Variants in MAN2C1 observed in about 807,000 individuals in gnomAD.
MAN2C1 encodes the protein alpha-mannosidase 2C1.
A neutral mutation model predicts 126.9 loss-of-function variants in MAN2C1; 111 were observed. The observed-to-expected ratio is 0.87, with a 90% CI of 0.75 to 1.02. The LOEUF (loss-of-function observed/expected upper bound fraction) is 1.02, where lower values mean the gene tolerates loss of function less well. Among genes scored for constraint, MAN2C1 ranks in the 50% least tolerant of loss-of-function variants. MAN2C1 has a pLI of 0.00. For missense variants in MAN2C1, 1,363 were observed against 1,364.4 expected, an observed-to-expected ratio of 1.00 and a Z score of 0.02; for synonymous variants, 567 against 561.5, an observed-to-expected ratio of 1.01 and a Z score of -0.14.
In MAN2C1 at chr15:75,364,632, C is replaced by A; in HGVS notation, c.456G>T (p.Gly152=). The change falls in exon 5 of 26, where the codon GGG becomes GGT. Residue 152 remains glycine (G), a synonymous_variant. Transcript: ENST00000267978. ...TGCTTCCCTTCCCGGCCCCCAGGAG[C>A]CCATTGCAGGCTACTTCCACATAGA... ...LTLYVEVACN[G]LLGAGKGSMI... is the part of the protein sequence containing the mutation. The A allele has an allele frequency of 1.2e-6, 2 of 1,613,184 alleles. No homozygotes were observed. The highest frequency in any genetic ancestry group is 1.7e-6 in the Non-Finnish European group (2 of 1,179,556).
rs768248874 is a variant in MAN2C1 at position 75,356,033 on chromosome 15, C to G, written c.2997-1G>C. On this transcript the variant is annotated splice_acceptor_variant, in intron 25 of 25. Coordinates refer to ENST00000267978, the MANE Select transcript of MAN2C1 (RefSeq NM_006715.4). LOFTEE classifies it high-confidence loss of function. The surrounding 1 kb of genome is among the most constrained non-coding windows in gnomAD (Gnocchi z 5.8). ...GTCTGGTCGCTCCAAGAGATCGCAG[C>G]TGGAGAACAGGAGGGGCCATGAAGG... The G allele has an allele frequency of 5.0e-6, 8 of 1,613,822 alleles. No individual in the cohort carries two copies. The highest frequency in any genetic ancestry group is 6.8e-6 in the Non-Finnish European group (8 of 1,179,928).
chr15:75,358,097 A>C, intron 21 of MAN2C1, 104 bp downstream of exon 21: 1 of 1,384,438 alleles, frequency 7.2e-7, no homozygotes, highest in Non-Finnish European at 1.0e-6. Flanking sequence ...CACGTTAGGA[A>C]GCAGCAAATG....
At position 75,360,580 on chromosome 15, in the gene MAN2C1, G is replaced by T; in HGVS notation, c.1569C>A (p.Tyr523Ter). The change falls in exon 13 of 26, where the codon TAC (tyrosine) becomes TAA (stop). Residue 523 changes from tyrosine (Y) to a stop codon, truncating the protein, a stop_gained. Transcript: ENST00000267978. LOFTEE classifies it high-confidence loss of function. ...TCCCCCTGACCTGGGCATGGGTGGT[G>T]TATGTGCCATTGTGCAGCTCCAAGA... The part of the protein sequence containing the change: ...ELFLELHNGT[Y>*]TTHAQIKKGN... The T allele has an allele frequency of 6.2e-7, 1 of 1,613,834 alleles. No homozygotes were observed.
Position 75,361,398 on chromosome 15 carries a change from A to G in MAN2C1, c.1219-17T>C. 1 of 1,550,366 alleles carries G rather than the reference A, an allele frequency of 6.5e-7. No homozygotes were observed. The highest frequency in any genetic ancestry group is 1.2e-5 in the South Asian group (1 of 85,758). Reference sequence around the variant, plus strand: ...TGTATGGTGCTACCAGCAGGGAAACAGAAGCAGGGCAGAGAGGCCAGAGTC... The same window carrying G: ...TGTATGGTGCTACCAGCAGGGAAACGGAAGCAGGGCAGAGAGGCCAGAGTC... On this transcript the variant is annotated splice_polypyrimidine_tract_variant and intron_variant, in intron 10 of 25. Transcript: ENST00000267978. This position sits in a 1 kb window ranked among gnomAD's most constrained non-coding sequence, Gnocchi z 5.0.
intron 16 of MAN2C1, 97 bp downstream of exon 16, chr15:75,359,523 A>C: frequency 6.4e-7 from 1 of 1,565,850 alleles, no homozygotes; most frequent in Non-Finnish European, 8.7e-7. Flanking sequence ...ACTACTCTCC[A>C]GTCAGGGGCA....
At position 75,366,521 on chromosome 15, in the gene MAN2C1, C is replaced by T. The variant is rs138736683; in HGVS notation, c.422+1G>A. 508 of 1,613,240 alleles carry T rather than the reference C, an allele frequency of 3.1e-4. 1 individual carries two copies. The highest frequency in any genetic ancestry group is 4.0e-4 in the Non-Finnish European group (469 of 1,179,692). ...TGGTCAACCAGGGCACAGGGACTCACCTTCGGGGGTCTCTTTCCCCCAGCC... is the reference window on the plus strand; with the variant it reads ...TGGTCAACCAGGGCACAGGGACTCATCTTCGGGGGTCTCTTTCCCCCAGCC... On this transcript the variant is annotated splice_donor_variant, in intron 4 of 25. Coordinates refer to ENST00000267978, the MANE Select transcript of MAN2C1 (RefSeq NM_006715.4). LOFTEE classifies it high-confidence loss of function.
chr15:75,362,448 C>A lies in MAN2C1; in HGVS notation c.903G>T (p.Gln301His), dbSNP rs1431191456. 6.2e-7 allele frequency: 1 copy of A among 1,609,724 alleles called. No individual in the cohort carries two copies. The highest frequency in any genetic ancestry group is 1.7e-5 in the Admixed American group (1 of 59,452). Residue 301 changes from glutamine to histidine, a missense_variant, in exon 8 of 26, where the codon CAG (glutamine) becomes CAT (histidine). By Grantham distance (24) the Gln-to-His change is conservative (BLOSUM62 0). Around this residue, in one of 3 missense-constraint regions of MAN2C1, gnomAD observed 628 missense variants for 609.8 expected, o/e 1.03. Coordinates refer to ENST00000267978, the MANE Select transcript of MAN2C1 (RefSeq NM_006715.4). The surrounding 1 kb of genome is among the most constrained non-coding windows in gnomAD (Gnocchi z 4.5). ...AGCGGCTCTTCACCCATTCCAGCTG[C>A]TGCGCCTGTGGGCAGGTTGAAGGGA... ...PEFIFACSQA[Q>H]QLEWVKSRYP... is the part of the protein sequence containing the mutation.
In MAN2C1 at chr15:75,361,472, G is replaced by A; in HGVS notation, c.1219-91C>T. On this transcript the variant is annotated intron_variant, in intron 10 of 25. Transcript: ENST00000267978. This position sits in a 1 kb window ranked among gnomAD's most constrained non-coding sequence, Gnocchi z 5.0. ...TCCAGACTTGGTCCTGCCCCTGCCT[G>A]CTATGTGACCCTGGCAGAGGCAGAG... 7.8e-7 allele frequency: 1 copy of A among 1,279,074 alleles called. No individual in the cohort carries two copies. The highest frequency in any genetic ancestry group is 1.1e-6 in the Non-Finnish European group (1 of 879,386). The allele number at this position is 1,279,074 out of a possible 1,614,324, so 79.2% of individuals were successfully genotyped here. A position where few individuals can be genotyped will look rare whatever the true frequency, so the allele number is the denominator to read the frequency against.
Position 75,356,734 on chromosome 15 carries a change from T to G in MAN2C1, c.2658-49A>C. The G allele has an allele frequency of 3.7e-6, 6 of 1,612,560 alleles. No homozygotes were observed. The highest frequency in any genetic ancestry group is 5.1e-6 in the Non-Finnish European group (6 of 1,179,056). On this transcript the variant is annotated intron_variant, in intron 22 of 25. Coordinates refer to ENST00000267978, the MANE Select transcript of MAN2C1 (RefSeq NM_006715.4). This position sits in a 1 kb window ranked among gnomAD's most constrained non-coding sequence, Gnocchi z 5.8. Reference sequence around the variant, plus strand: ...GGCCACGCTGAAGCTGTTGGAGTTGTGGTCGGGAAGACCCATTTCTCCATG... The same window carrying G: ...GGCCACGCTGAAGCTGTTGGAGTTGGGGTCGGGAAGACCCATTTCTCCATG...
chr15:75,366,081 C>A, intron 4 of MAN2C1: 3 of 312,686 alleles, frequency 9.6e-6, no homozygotes, highest in East Asian at 1.1e-4. Context: ...AGGGAGACTT[C>A]GTCTCAAAAA....
Position 75,359,618 on chromosome 15 carries a change from A to T in MAN2C1, c.1948+2T>A. The T allele has an allele frequency of 6.2e-7, 1 of 1,613,826 alleles. No individual in the cohort carries two copies. Among genetic ancestry groups the T allele is most frequent in the Non-Finnish European group, 8.5e-7 (1 of 1,179,926 alleles). On this transcript the variant is annotated splice_donor_variant, in intron 16 of 25. Transcript: ENST00000267978. LOFTEE classifies it high-confidence loss of function. ...GTAGCAACCCTTCCCCTCAGCTCGT[A>T]CCTAGGCTGTGGGCCCCGCCCGGTT...
chr15:75,360,701 C>G lies in MAN2C1; in HGVS notation c.1461-13G>C. ...AGATAGCTGCACCCTGAGGAGACCA[C>G]AAGCCTAGGTCTCCCAGCCTTGGAG... is the stretch of plus-strand genomic sequence containing the variant. On this transcript the variant is annotated splice_polypyrimidine_tract_variant and intron_variant, in intron 12 of 25. Coordinates refer to ENST00000267978, the MANE Select transcript of MAN2C1 (RefSeq NM_006715.4). The G allele has an allele frequency of 6.2e-7, 1 of 1,612,568 alleles. No homozygotes were observed. The highest frequency in any genetic ancestry group is 8.5e-7 in the Non-Finnish European group (1 of 1,179,624).
chr15:75,361,225 C>A lies in MAN2C1; in HGVS notation c.1315-34G>T. The A allele has an allele frequency of 6.2e-7, 1 of 1,604,238 alleles. No homozygotes were observed. The highest frequency in any genetic ancestry group is 8.5e-7 in the Non-Finnish European group (1 of 1,176,188). The stretch of plus-strand genomic sequence containing the variant: ...GTGAGGGCAGGCCAGCATGGATCAG[C>A]CTGGAACAAGCCAGCCCTCTCCAGC... On this transcript the variant is annotated intron_variant, in intron 11 of 25. Transcript: ENST00000267978. The surrounding 1 kb of genome is among the most constrained non-coding windows in gnomAD (Gnocchi z 5.0).
At chr15:75,367,722 C>A in intron 2 of MAN2C1, 88 bp from the exon 3 acceptor site, 2 of 1,528,114 alleles carry the variant, frequency 1.3e-6, no homozygotes, top group Non-Finnish European at 1.8e-6. Context: ...GGGCTTGAAA[C>A]TCTCCAAGCA....
At position 75,359,316 on chromosome 15, in the gene MAN2C1, T is replaced by A. The variant is rs202069986; in HGVS notation, c.2046+12A>T. On this transcript the variant is annotated intron_variant, in intron 17 of 25. Transcript: ENST00000267978. Reference sequence around the variant, plus strand: ...AGCACAGTTCCTGCCCCCCAGGGCATGCAGGACTCACCTCTTGCACTACGA... The same window carrying A: ...AGCACAGTTCCTGCCCCCCAGGGCAAGCAGGACTCACCTCTTGCACTACGA... 30 of 1,582,034 alleles carry A rather than the reference T, an allele frequency of 1.9e-5. No homozygotes were observed. The highest frequency in any genetic ancestry group is 3.4e-6 in the Non-Finnish European group (4 of 1,162,210).
chr15:75,366,777 G>A (rs1285444688), intron 3 of MAN2C1, among the ~76,000 whole-genome samples, 185 bp from the exon 4 acceptor site: 1 of 152,242 alleles, frequency 6.6e-6, no homozygotes, highest in Non-Finnish European at 1.5e-5. Context: ...ATGGCAGCCA[G>A]CACCATGACC....
intron 4 of MAN2C1, among the ~76,000 whole-genome samples, chr15:75,365,351 T>C (rs1194433832): frequency 6.6e-6 from 1 of 152,176 alleles, no homozygotes; most frequent in African/African-American, 2.4e-5. Context: ...GTCTAAGAAG[T>C]GTTTTTAATG....
At position 75,356,286 on chromosome 15, in the gene MAN2C1, C is replaced by G. The variant is rs531295861; in HGVS notation, c.2886+15G>C. On this transcript the variant is annotated intron_variant, in intron 24 of 25. Transcript: ENST00000267978. The surrounding 1 kb of genome is among the most constrained non-coding windows in gnomAD (Gnocchi z 5.8). ...CCAGTTCGGAACCCCGTCCCCAGCA[C>G]GTCCCACCCCTTGCCTGCTTGACGG... 4 of 1,611,768 alleles carry G rather than the reference C, an allele frequency of 2.5e-6. No homozygotes were observed. Among genetic ancestry groups the G allele is most frequent in the Non-Finnish European group, 3.4e-6 (4 of 1,179,204 alleles).
Position 75,361,361 on chromosome 15 carries a change from C to T in MAN2C1, c.1239G>A (p.Glu413=), listed in dbSNP as rs1164257469. 1.3e-6 allele frequency: 2 copies of T among 1,564,674 alleles called. No homozygotes were observed. Among genetic ancestry groups the T allele is most frequent in the Non-Finnish European group, 1.7e-6 (2 of 1,153,890 alleles). The stretch of plus-strand genomic sequence containing the variant: ...CCAGTACACGGGAGCCATCCAGGCC[C>T]TCCCAGAAAAATGTATGGTGCTACC... The part of the protein sequence containing the change: ...NSFPHHTFFW[E]GLDGSRVLVH... Residue 413 remains glutamate (E), a synonymous_variant, in exon 11 of 26, where the codon GAG becomes GAA. Transcript: ENST00000267978. The surrounding 1 kb of genome is among the most constrained non-coding windows in gnomAD (Gnocchi z 5.0).
Sources: gnomAD v4.1 joint callset for allele counts (sites outside exome capture counted in the v4.1 genomes callset) on GRCh38, gnomAD v4.1.1 for gene constraint, gnomAD v4.1.1 regional missense constraint, Gnocchi (gnomAD v3.1) non-coding constraint, MANE v1.5 for transcripts, NCBI Gene and HGNC (gene_info 2026-07-23, HGNC 2026-07-21) for gene names.